The following SYT1 variants were observed in gnomAD, a reference collection of about 807,000 sequenced individuals.
SYT1 encodes synaptotagmin 1.
SYT1 carries 8 observed loss-of-function variants against 44.8 expected under a neutral mutation model. That is an observed-to-expected ratio of 0.18 (90% confidence interval 0.10 to 0.32). The LOEUF is 0.32. SYT1 is among the 10% of genes least tolerant of loss of function. SYT1 has a pLI of 1.00. For synonymous variants in SYT1, 154 were observed against 188.8 expected (o/e 0.82, Z 1.51); for missense variants, 286 against 509.3 (o/e 0.56, Z 4.22).
intron 4 of SYT1, among the ~76,000 whole-genome samples, chr12:79,245,338 G>A (rs1876771267): frequency 6.7e-6 from 1 of 149,318 alleles, no homozygotes; most frequent in Admixed American, 6.7e-5. Flanking sequence ...AGCCAGGCAT[G>A]TTAGCGGGCG....
rs566175647 is a variant in SYT1 at position 78,894,330 on chromosome 12, G to GTTTTTTTTTTTTTTTTTTT, written c.-217+29238_-217+29256dup. The stretch of plus-strand genomic sequence containing the variant: ...AATTTATGATTGTGTTTTTTAATCT[G>GTTTTTTTTTTTTTTTTTTT]TTTTTTTTTTTTTTTTTTTTTTTTT... On this transcript the variant is annotated intron_variant, in intron 1 of 10. Coordinates refer to ENST00000261205, the MANE Select transcript of SYT1 (RefSeq NM_005639.3). 1.3e-3 allele frequency among the ~76,000 whole-genome samples: 36 copies of GTTTTTTTTTTTTTTTTTTT among 27,732 alleles called. 11 individuals are homozygous for GTTTTTTTTTTTTTTTTTTT. Among genetic ancestry groups the GTTTTTTTTTTTTTTTTTTT allele is most frequent in the African/African-American group, 2.5e-3 (21 of 8,396 alleles). 18.2% of individuals were successfully genotyped at this position (27,732 alleles called of 152,430 possible).
At chr12:79,255,276 C>T (rs1296701550) in intron 4 of SYT1, among the ~76,000 whole-genome samples, 2 of 152,174 alleles carry the variant, frequency 1.3e-5, no homozygotes, top group Non-Finnish European at 2.9e-5. Flanking sequence ...AGACCCTGCA[C>T]CTGCAAAAGA....
intron 3 of SYT1, among the ~76,000 whole-genome samples, chr12:79,211,903 G>A (rs527966742): frequency 2.6e-5 from 4 of 152,082 alleles, no homozygotes; most frequent in East Asian, 3.9e-4. Flanking sequence ...CCAGTTTCTT[G>A]TACCCTCACC....
At chr12:79,113,427 C>A (rs1356346489) in intron 3 of SYT1, among the ~76,000 whole-genome samples, 1 of 151,854 alleles carries the variant, frequency 6.6e-6, no homozygotes, top group Non-Finnish European at 1.5e-5. Context: ...ACGTTGTATT[C>A]GTTGACCAAA....
In SYT1 at chr12:79,113,097, T is replaced by G. The variant is rs146097652; in HGVS notation, c.-18+65735T>G. Among the ~76,000 whole-genome samples the G allele has an allele frequency of 1.4e-4, 22 of 152,220 alleles. No homozygotes were observed. In the East Asian group the frequency reaches 4.2e-3, roughly 29 times the overall value. ...AAATGTATTCGACATAAAAGTCAAG[T>G]TATGTTTTTTATTGCTGTTTTCAAA... On this transcript the variant is annotated intron_variant, in intron 3 of 10. Transcript: ENST00000261205.
intron 9 of SYT1, among the ~76,000 whole-genome samples, chr12:79,440,948 A>G (rs1313299463): frequency 1.3e-5 from 2 of 152,204 alleles, no homozygotes; most frequent in Non-Finnish European, 2.9e-5. Flanking sequence ...ACCCAAGTTC[A>G]GGACGAGACT....
At chr12:79,261,363 C>G (rs1877821637) in intron 4 of SYT1, among the ~76,000 whole-genome samples, 1 of 152,176 alleles carries the variant, frequency 6.6e-6, no homozygotes, top group African/African-American at 2.4e-5. Context: ...CTCTGCCACA[C>G]TATGTTTATA....
At chr12:79,357,476 G>T (rs984758756) in intron 9 of SYT1, among the ~76,000 whole-genome samples, 1 of 152,124 alleles carries the variant, frequency 6.6e-6, no homozygotes, top group Non-Finnish European at 1.5e-5. Context: ...TAAGCTATGT[G>T]GTATGGCTTA....
intron 1 of SYT1, among the ~76,000 whole-genome samples, chr12:78,946,338 C>T (rs1461346836): frequency 6.6e-6 from 1 of 152,024 alleles, no homozygotes; most frequent in Admixed American, 6.6e-5. Flanking sequence ...AGCTTATGTT[C>T]TAGTCATACG....
intron 3 of SYT1, among the ~76,000 whole-genome samples, chr12:79,161,650 A>G (rs1037424902): frequency 2.0e-5 from 3 of 152,182 alleles, no homozygotes; most frequent in Non-Finnish European, 4.4e-5. Flanking sequence ...CAGATAATCA[A>G]CTGTCTATTT....
chr12:79,422,707 G>C (rs905717768), intron 9 of SYT1, among the ~76,000 whole-genome samples: 1 of 151,720 alleles, frequency 6.6e-6, no homozygotes, highest in South Asian at 2.1e-4. Context: ...GGATTTGTTA[G>C]ATACTTTGAA....
chr12:79,290,616 T>C (rs1418186870), intron 5 of SYT1, among the ~76,000 whole-genome samples: 4 of 152,190 alleles, frequency 2.6e-5, no homozygotes, highest in Non-Finnish European at 5.9e-5. Flanking sequence ...ATCAGAGATA[T>C]AAAACAGTCT....
chr12:79,003,318 A>G (rs1870865588), intron 2 of SYT1, among the ~76,000 whole-genome samples: 2 of 151,928 alleles, frequency 1.3e-5, no homozygotes, highest in African/African-American at 4.8e-5. Flanking sequence ...ACACACATAC[A>G]CACAAATTCC....
chr12:79,331,843 C>A (rs1881871239), intron 8 of SYT1, among the ~76,000 whole-genome samples: 2 of 151,752 alleles, frequency 1.3e-5, no homozygotes, highest in Non-Finnish European at 2.9e-5. Context: ...AAAATAAAGT[C>A]ATAAAAAATG....
Position 79,175,099 on chromosome 12 carries a change from A to G in SYT1, c.-17-42404A>G, listed in dbSNP as rs546117571. On this transcript the variant is annotated intron_variant, in intron 3 of 10. Transcript: ENST00000261205. ...GAGTTATATCCAGCTTGTTTTCTAT[A>G]TGTGTTATGCTCTGGGAAACATGAT... Among the ~76,000 whole-genome samples the G allele has an allele frequency of 5.3e-5, 8 of 151,750 alleles. No individual in the cohort carries two copies. In the South Asian group the frequency reaches 1.0e-3, roughly 20 times the overall value.
intron 1 of SYT1, among the ~76,000 whole-genome samples, chr12:78,870,430 A>T (rs1873760320): frequency 6.6e-6 from 1 of 152,132 alleles, no homozygotes; most frequent in African/African-American, 2.4e-5. Flanking sequence ...AAAGGGTATT[A>T]TATAAGTAAA....
At chr12:79,016,281 G>A (rs963489633) in intron 2 of SYT1, among the ~76,000 whole-genome samples, 6 of 152,078 alleles carry the variant, frequency 3.9e-5, no homozygotes, top group Non-Finnish European at 7.4e-5. Context: ...AAGAAAAATA[G>A]GTCTATGGCT....
At chr12:79,084,579 G>C (rs1160507920) in intron 3 of SYT1, among the ~76,000 whole-genome samples, 1 of 152,036 alleles carries the variant, frequency 6.6e-6, no homozygotes, top group East Asian at 1.9e-4. Flanking sequence ...ACTTGCAGAG[G>C]ATATGACAGC....
intron 2 of SYT1, among the ~76,000 whole-genome samples, chr12:79,016,718 G>A (rs1871831157): frequency 6.6e-6 from 1 of 152,066 alleles, no homozygotes; most frequent in Admixed American, 6.6e-5. Flanking sequence ...TGTCATGGAG[G>A]AGGCATGGTG....
Sources: gnomAD v4.1 joint callset for allele counts (sites outside exome capture counted in the v4.1 genomes callset) on GRCh38, gnomAD v4.1.1 for gene constraint, MANE v1.5 for transcripts, NCBI Gene and HGNC (gene_info 2026-07-23, HGNC 2026-07-21) for gene names.